CXADR: variants seen among roughly 807,000 people sequenced by gnomAD.
CXADR encodes coxsackievirus and adenovirus receptor.
CXADR carries 20 observed loss-of-function variants against 40.3 expected under a neutral mutation model. The ratio of observed to expected loss-of-function variants is 0.50; its 90% CI spans 0.35 to 0.72. The LOEUF is 0.72. CXADR is among the 30% of genes least tolerant of loss of function. The pLI is 0.01. For synonymous variants in CXADR, 150 were observed against 161.3 expected (o/e 0.93, Z 0.53); for missense variants, 332 against 449.1 (o/e 0.74, Z 2.36).
the CXADR span, among the ~76,000 whole-genome samples, chr21:17,611,053 G>A: frequency 9.2e-5 from 14 of 152,284 alleles, no homozygotes; most frequent in South Asian, 8.3e-4. Flanking sequence ...CAGGCACCGG[G>A]CATGGGTCCA....
chr21:17,604,091 A>T, the CXADR span: 1 of 1,248,994 alleles, frequency 8.0e-7, no homozygotes, highest in Non-Finnish European at 1.0e-6. Flanking sequence ...AGGAGATGTG[A>T]AAAATAACTT....
intron 1 of CXADR, among the ~76,000 whole-genome samples, chr21:17,515,792 C>G (rs750161994): frequency 6.6e-6 from 1 of 152,162 alleles, no homozygotes; most frequent in Non-Finnish European, 1.5e-5. Context: ...GGCGACAGAG[C>G]TAGACTCCGT....
chr21:17,583,774 A>G (rs150620603), intron 7 of CXADR, among the ~76,000 whole-genome samples: 38 of 152,242 alleles, frequency 2.5e-4, no homozygotes, highest in Admixed American at 6.5e-4. Flanking sequence ...ATTCAGCACT[A>G]TCCTAATGAT....
intron 6 of CXADR, among the ~76,000 whole-genome samples, 153 bp from the exon 7 acceptor site, chr21:17,565,275 T>C (rs1328936717): frequency 7.1e-6 from 1 of 140,030 alleles, no homozygotes; most frequent in Non-Finnish European, 1.5e-5. Flanking sequence ...GCTTTTTGCT[T>C]TTTTGTGACA....
At chr21:17,594,633 T>A (rs1310904583), downstream of CXADR, among the ~76,000 whole-genome samples, 2 of 152,112 alleles carry the variant, frequency 1.3e-5, no homozygotes, top group African/African-American at 4.8e-5. Flanking sequence ...AAGGACATGC[T>A]TGTTTTAGTC....
At chr21:17,604,887 CAG>C in the CXADR span, 1 of 1,614,126 alleles carries the variant, frequency 6.2e-7, no homozygotes, top group East Asian at 2.2e-5. Flanking sequence ...TGGGTCCACC[CAG>C]AGAGTGAGCT....
rs1415711928 is a variant in CXADR at position 17,566,908 on chromosome 21, A to T, written c.*1216A>T. The T allele has an allele frequency of 4.1e-6, 4 of 983,976 alleles. No homozygotes were observed. The highest frequency in any genetic ancestry group is 4.8e-6 in the Non-Finnish European group (4 of 829,116). 61.0% of individuals were successfully genotyped at this position (983,976 alleles called of 1,614,324 possible). The stretch of plus-strand genomic sequence containing the variant: ...TTCCAGCAAATCAAGCTGAGCTTTG[A>T]AAAAGTTTGTCTTAGTTTTGTGAAG... On this transcript the variant is annotated 3_prime_UTR_variant, in exon 7 of 7. Transcript: ENST00000284878.
At chr21:17,530,114 A>ATTTTTTTTTTTTTTTTTTT (rs56341807) in intron 1 of CXADR, among the ~76,000 whole-genome samples, 46 of 94,948 alleles carry the variant, frequency 4.8e-4, no homozygotes, top group East Asian at 6.8e-4. Context: ...ATGCCAGGCT[A>ATTTTTTTTTTTTTTTTTTT]TTTTTTTTTT....
exon 8 of CXADR, chr21:17,593,198 GGAC>G: frequency 1.4e-6 from 2 of 1,450,620 alleles, no homozygotes; most frequent in South Asian, 1.5e-5. Context: ...GTATAAATAT[GGAC>G]TACTGAAGAA....
chr21:17,576,669 A>G (rs886866985), intron 7 of CXADR: 6 of 152,130 alleles, frequency 3.9e-5, no homozygotes, highest in Non-Finnish European at 7.4e-5. Flanking sequence ...AGTAAGATTT[A>G]TGGTTACCCT....
At chr21:17,534,320 G>A (rs1020100125) in intron 1 of CXADR, among the ~76,000 whole-genome samples, 9 of 151,768 alleles carry the variant, frequency 5.9e-5, no homozygotes, top group African/African-American at 2.2e-4. Context: ...TGGTCTTGAT[G>A]TCCTGACCTT....
At chr21:17,596,590 G>A (rs995372858), downstream of CXADR, among the ~76,000 whole-genome samples, 2 of 151,946 alleles carry the variant, frequency 1.3e-5, no homozygotes, top group Non-Finnish European at 2.9e-5. Context: ...GGAGAAAAAA[G>A]ACTAACTGTA....
At chr21:17,545,770 TG>T (rs200305305) in intron 1 of CXADR, among the ~76,000 whole-genome samples, 1 of 119,778 alleles carries the variant, frequency 8.3e-6, no homozygotes, top group Non-Finnish European at 1.8e-5. Context: ...GTCAACTATT[TG>T]GTTTTTTTTG....
intron 6 of CXADR, among the ~76,000 whole-genome samples, chr21:17,563,856 G>C (rs2061159081): frequency 6.8e-6 from 1 of 146,888 alleles, no homozygotes; most frequent in Non-Finnish European, 1.5e-5. Flanking sequence ...CAAGAGAATG[G>C]CGTGAACCCG....
the CXADR span, among the ~76,000 whole-genome samples, chr21:17,616,890 A>T: frequency 2.6e-5 from 4 of 152,304 alleles, no homozygotes; most frequent in South Asian, 6.2e-4. Flanking sequence ...AATATCCATA[A>T]AGCAGCAGTG....
intron 7 of CXADR, among the ~76,000 whole-genome samples, chr21:17,592,533 C>G (rs2061447185): frequency 6.6e-6 from 1 of 151,836 alleles, no homozygotes; most frequent in Non-Finnish European, 1.5e-5. Context: ...ATACTTGAAA[C>G]TTTCCAACTT....
At chr21:17,553,852 C>T (rs564971732) in intron 3 of CXADR, among the ~76,000 whole-genome samples, 5 of 152,036 alleles carry the variant, frequency 3.3e-5, no homozygotes, top group African/African-American at 4.8e-5. Context: ...CTCCAGACCT[C>T]GTGATCTGCC....
the CXADR span, among the ~76,000 whole-genome samples, chr21:17,619,146 T>G: frequency 6.6e-6 from 1 of 152,212 alleles, no homozygotes; most frequent in African/African-American, 2.4e-5. Flanking sequence ...GGCATAATTC[T>G]TAAGGGCCCT....
At position 17,576,330 on chromosome 21, in the gene CXADR, C is replaced by T. The variant is rs572804104; in HGVS notation, c.1017+10719C>T. Among the ~76,000 whole-genome samples, 21 of 152,162 alleles carry T rather than the reference C, an allele frequency of 1.4e-4. 1 individual carries two copies. In the South Asian group the frequency reaches 2.7e-3, roughly 20 times the overall value. ...CTTCACTACTTACTAGCTGGATGACCTTAGACAAACCACTTAACCTCTCCA... is the reference window on the plus strand; with the variant it reads ...CTTCACTACTTACTAGCTGGATGACTTTAGACAAACCACTTAACCTCTCCA... On this transcript the variant is annotated intron_variant, in intron 7 of 7. Coordinates refer to the CXADR transcript ENST00000400169.
Sources: allele counts gnomAD v4.1 joint callset (sites outside exome capture counted in the v4.1 genomes callset), GRCh38; gene constraint gnomAD v4.1.1; transcripts MANE v1.5; gene names NCBI Gene and HGNC (gene_info 2026-07-23, HGNC 2026-07-21).